The following NRXN3 variants were observed in gnomAD, a reference collection of about 807,000 sequenced individuals.
The protein encoded by NRXN3 is neurexin 3, also known as neurexin III.
In NRXN3, 32 loss-of-function variants were observed where a neutral mutation model predicts 137.6. The observed-to-expected ratio is 0.23, with a 90% CI of 0.18 to 0.31. The LOEUF (loss-of-function observed/expected upper bound fraction) is 0.31, where lower values mean the gene tolerates loss of function less well. Among genes scored for constraint, NRXN3 ranks in the 10% least tolerant of loss-of-function variants. NRXN3 has a pLI of 1.00. For missense variants in NRXN3, 1,574 were observed against 2,062.5 expected (o/e 0.76, Z 4.59); for synonymous variants, 798 against 784.5 (o/e 1.02, Z -0.29).
At chr14:78,893,181 T>G (rs1176943236) in intron 10 of NRXN3, among the ~76,000 whole-genome samples, 1 of 151,960 alleles carries the variant, frequency 6.6e-6, no homozygotes, top group South Asian at 2.1e-4. Flanking sequence ...ATCCACACCC[T>G]GCGCAAGCTC....
chr14:78,740,537 T>C (rs532699359), intron 8 of NRXN3, among the ~76,000 whole-genome samples: 12 of 112,480 alleles, frequency 1.1e-4, no homozygotes, highest in African/African-American at 2.7e-4. Context: ...TTCTTCTCTT[T>C]TCTTTTCTTT....
chr14:78,191,906 C>T (rs2060769357), intron 1 of NRXN3, among the ~76,000 whole-genome samples: 2 of 152,078 alleles, frequency 1.3e-5, no homozygotes, highest in South Asian at 4.1e-4. Context: ...GGGTATCTGG[C>T]CCTGGTGAGG....
chr14:78,546,947 C>G (rs2096641521), intron 4 of NRXN3, among the ~76,000 whole-genome samples: 2 of 152,154 alleles, frequency 1.3e-5, no homozygotes, highest in Non-Finnish European at 2.9e-5. Context: ...GGGAATCTGG[C>G]ACTGAAATCC....
chr14:79,590,134 A>G (rs1259628856), intron 16 of NRXN3, among the ~76,000 whole-genome samples: 1 of 152,136 alleles, frequency 6.6e-6, no homozygotes, highest in Non-Finnish European at 1.5e-5. Flanking sequence ...CTGAAATCTC[A>G]TCTTGAATTG....
intron 15 of NRXN3, among the ~76,000 whole-genome samples, chr14:79,307,278 A>G (rs529850071): frequency 1.3e-5 from 2 of 152,244 alleles, no homozygotes; most frequent in South Asian, 2.1e-4. Flanking sequence ...ATTGGAATCA[A>G]CTTAAGTCTG....
chr14:78,172,568 G>A (rs930696617), intron 1 of NRXN3, among the ~76,000 whole-genome samples: 46 of 152,068 alleles, frequency 3.0e-4, no homozygotes, highest in African/African-American at 1.1e-3. Context: ...TTGATTTTTT[G>A]TTGTTGTTGG....
chr14:79,630,569 T>C (rs1036354069), intron 16 of NRXN3, among the ~76,000 whole-genome samples: 2 of 152,166 alleles, frequency 1.3e-5, no homozygotes, highest in Non-Finnish European at 2.9e-5. Flanking sequence ...ACACAACATA[T>C]GTGTTGCAGT....
intron 20 of NRXN3, among the ~76,000 whole-genome samples, chr14:79,820,078 C>G (rs2099266743): frequency 1.3e-5 from 2 of 152,098 alleles, no homozygotes; most frequent in Non-Finnish European, 2.9e-5. Flanking sequence ...CAAACCTTGG[C>G]TATGGGTTAT....
intron 14 of NRXN3, among the ~76,000 whole-genome samples, chr14:78,987,019 CAAAA>C (rs36081362): frequency 0.029 from 1,549 of 54,070 alleles, 26 homozygotes; most frequent in South Asian, 0.1. Context: ...GAGACTGTCT[CAAAA>C]AAAAAAAAAA....
In NRXN3 at chr14:79,663,876, A is replaced by G; in HGVS notation, c.3543A>G (p.Val1181=). The part of the protein sequence containing the change: ...TPVNDGKYHV[V]RFTRNGGNAT... Reference sequence around the variant, plus strand: ...TAAATGACGGCAAATACCATGTGGTACGCTTCACCAGGAACGGCGGCAACG... The same window carrying G: ...TAAATGACGGCAAATACCATGTGGTGCGCTTCACCAGGAACGGCGGCAACG... Residue 1181 remains valine (V), a synonymous_variant, in exon 17 of 21, where the codon GTA becomes GTG. Transcript: ENST00000335750. 1.2e-6 allele frequency: 2 copies of G among 1,613,598 alleles called. No individual in the cohort carries two copies. Among genetic ancestry groups the G allele is most frequent in the Non-Finnish European group, 8.5e-7 (1 of 1,179,666 alleles).
intron 3 of NRXN3, among the ~76,000 whole-genome samples, chr14:78,281,976 A>T (rs374469316): frequency 1.3e-5 from 2 of 152,096 alleles, no homozygotes; most frequent in Non-Finnish European, 2.9e-5. Flanking sequence ...AAAAATCTCT[A>T]TTGAACAAGA....
At chr14:79,495,208 G>A (rs546369657) in intron 16 of NRXN3, among the ~76,000 whole-genome samples, 3 of 152,302 alleles carry the variant, frequency 2.0e-5, no homozygotes, top group East Asian at 3.9e-4. Flanking sequence ...CATTGATTCT[G>A]CTTTGTTACC....
At chr14:78,303,746 A>C (rs536540634) in intron 4 of NRXN3, among the ~76,000 whole-genome samples, 13 of 152,116 alleles carry the variant, frequency 8.5e-5, no homozygotes, top group Non-Finnish European at 1.6e-4. Context: ...GTCCTTGAAC[A>C]TGCTTCTCCC....
At chr14:78,214,823 T>C (rs752800629) in intron 1 of NRXN3, among the ~76,000 whole-genome samples, 1 of 152,098 alleles carries the variant, frequency 6.6e-6, no homozygotes, top group Non-Finnish European at 1.5e-5. Flanking sequence ...CACACCTTGG[T>C]TTCTCGATTC....
chr14:79,778,788 G>A (rs1395687602), intron 19 of NRXN3, among the ~76,000 whole-genome samples: 4 of 152,124 alleles, frequency 2.6e-5, no homozygotes, highest in African/African-American at 9.7e-5. Context: ...TTAGAAATGG[G>A]CCTCGAAAGA....
rs539726757 is a variant in NRXN3, at chr14:78,340,544, A to C, written c.757+42684A>C. On this transcript the variant is annotated intron_variant, in intron 4 of 20. Coordinates refer to ENST00000335750, the MANE Select transcript of NRXN3 (RefSeq NM_001330195.2). ...GGTTTCATCAAGGTCTCTCTCACACATCCAGGGCCTTAGTGTTGACTGGAG... is the reference window on the plus strand; with the variant it reads ...GGTTTCATCAAGGTCTCTCTCACACCTCCAGGGCCTTAGTGTTGACTGGAG... Among the ~76,000 whole-genome samples, 11 of 152,200 alleles carry C rather than the reference A, an allele frequency of 7.2e-5. No homozygotes were observed. In the South Asian group the frequency reaches 1.9e-3, roughly 26 times the overall value.
chr14:78,760,823 TGAG>T (rs2098689983), intron 8 of NRXN3, among the ~76,000 whole-genome samples: 1 of 152,106 alleles, frequency 6.6e-6, no homozygotes, highest in Non-Finnish European at 1.5e-5. Flanking sequence ...ATGATGCATT[TGAG>T]GAGGCAAAAA....
chr14:79,289,228 GTTCCCCATCTCTCT>G, intron 15 of NRXN3, among the ~76,000 whole-genome samples: 1 of 152,182 alleles, frequency 6.6e-6, no homozygotes, highest in East Asian at 1.9e-4. Flanking sequence ...TTACAAACTT[GTTCCCCATCTCTCT>G]TTCTTCAGAG....
intron 20 of NRXN3, among the ~76,000 whole-genome samples, chr14:79,852,766 T>C (rs1312945589): frequency 6.6e-6 from 1 of 152,172 alleles, no homozygotes; most frequent in Non-Finnish European, 1.5e-5. Context: ...CCTGTGCGTC[T>C]GGTTGTTCAT....
Sources: gnomAD v4.1 joint callset for allele counts (sites outside exome capture counted in the v4.1 genomes callset) on GRCh38, gnomAD v4.1.1 for gene constraint, MANE v1.5 for transcripts, NCBI Gene and HGNC (gene_info 2026-07-23, HGNC 2026-07-21) for gene names.